RCC2: variants seen among roughly 807,000 people sequenced by gnomAD.
The protein encoded by RCC2 is protein RCC2.
A neutral mutation model predicts 64.1 loss-of-function variants in RCC2; 19 were observed. That is an observed-to-expected ratio of 0.30 (90% CI 0.21 to 0.44). The LOEUF (loss-of-function observed/expected upper bound fraction) is 0.44, where lower values mean the gene tolerates loss of function less well. RCC2 is among the 20% of genes least tolerant of loss of function. The pLI is 1.00. For synonymous variants in RCC2, 325 were observed against 279.6 expected (o/e 1.16, Z -1.62); for missense variants, 508 against 710.4 (o/e 0.72, Z 3.24).
At chr1:17,438,144 C>A in intron 2 of RCC2, 86 bp downstream of exon 2, 1 of 1,004,114 alleles carries the variant, frequency 1.0e-6, no homozygotes, top group East Asian at 6.8e-5. Context: ...GCGAGGCGGC[C>A]CCCGGCTGGA....
In RCC2 at chr1:17,435,506, A is replaced by G. The variant is rs180786563; in HGVS notation, c.285+2724T>C. 7.7e-4 allele frequency among the ~76,000 whole-genome samples: 118 copies of G among 152,372 alleles called. 1 individual carries two copies. The highest frequency in any genetic ancestry group is 2.7e-3 in the African/African-American group (114 of 41,590). On this transcript the variant is annotated intron_variant, in intron 2 of 12. Transcript: ENST00000375436. ...GGTCCCTAGGACTGCTCAACAGAGA[A>G]ACAGAGACCAGAAACCTGGGGCCAG...
In RCC2 at chr1:17,413,739, G is replaced by A. The variant is rs201031607; in HGVS notation, c.1027-22C>T. ...CCAGCTGCAAGGAAAGAAAACACAGGGTTGGAACAAACAGACTTCCAACAG... is the reference window on the plus strand; with the variant it reads ...CCAGCTGCAAGGAAAGAAAACACAGAGTTGGAACAAACAGACTTCCAACAG... On this transcript the variant is annotated intron_variant, in intron 8 of 12. Coordinates refer to ENST00000375436, the MANE Select transcript of RCC2 (RefSeq NM_018715.4). 290 of 1,596,894 alleles carry A rather than the reference G, an allele frequency of 1.8e-4. No individual in the cohort carries two copies. The African/African-American group carries it at 3.5e-3, about 19-fold the overall frequency.
At chr1:17,413,233 C>T in intron 9 of RCC2, 55 bp from the exon 10 acceptor site, 1 of 1,239,336 alleles carries the variant, frequency 8.1e-7, no homozygotes. Context: ...AGCTGAGTCT[C>T]ATCTTCAGTA....
intron 7 of RCC2, among the ~76,000 whole-genome samples, chr1:17,418,580 C>T (rs1437472833): frequency 6.6e-6 from 1 of 151,962 alleles, no homozygotes; most frequent in Non-Finnish European, 1.5e-5. Flanking sequence ...TCGCTTGAAC[C>T]CGGGAGGCGG....
chr1:17,411,124 C>G (rs2100351516), intron 11 of RCC2, among the ~76,000 whole-genome samples: 1 of 152,230 alleles, frequency 6.6e-6, no homozygotes, highest in East Asian at 1.9e-4. Flanking sequence ...TACCTTGCAA[C>G]CACAAGAGTG....
At position 17,438,230 on chromosome 1, in the gene RCC2, G is replaced by T. The variant is rs534234420; in HGVS notation, c.285C>A (p.Val95=). Residue 95 remains valine, a splice_region_variant and synonymous_variant, in exon 2 of 13, where the codon GTC becomes GTA. Coordinates refer to ENST00000375436, the MANE Select transcript of RCC2 (RefSeq NM_018715.4). The part of the protein sequence containing the change: ...ITEPEHTKER[V]KLEGSKCKGQ... Reference sequence around the variant, plus strand: ...CCCGTCTACCCTGACCCTCACTCACGACGCGCTCCTTGGTGTGCTCGGGTT... The same window carrying T: ...CCCGTCTACCCTGACCCTCACTCACTACGCGCTCCTTGGTGTGCTCGGGTT... 4.4e-4 allele frequency: 570 copies of T among 1,302,872 alleles called. 13 individuals are homozygous for T. In the South Asian group the frequency reaches 9.5e-3, roughly 22 times the overall value. 80.7% of individuals were successfully genotyped at this position (1,302,872 alleles called of 1,614,324 possible).
At chr1:17,431,590 C>T (rs926781224) in intron 2 of RCC2, among the ~76,000 whole-genome samples, 1 of 150,902 alleles carries the variant, frequency 6.6e-6, no homozygotes, top group African/African-American at 2.4e-5. Context: ...GTGATCACCC[C>T]ATGGGTATGC....
At chr1:17,422,938 T>C in intron 4 of RCC2, 102 bp from the exon 5 acceptor site, 2 of 1,450,294 alleles carry the variant, frequency 1.4e-6, no homozygotes, top group Non-Finnish European at 1.9e-6. Context: ...TGCCCATCTG[T>C]CTCTGGAAGG....
intron 2 of RCC2, among the ~76,000 whole-genome samples, chr1:17,433,107 C>T (rs1346362422): frequency 3.9e-5 from 6 of 152,160 alleles, no homozygotes; most frequent in Admixed American, 6.5e-5. Context: ...ACTGAGTCTA[C>T]TCCAGTGACG....
intron 3 of RCC2, among the ~76,000 whole-genome samples, chr1:17,426,036 T>C (rs2075612328): frequency 6.6e-6 from 1 of 152,096 alleles, no homozygotes; most frequent in Admixed American, 6.5e-5. Flanking sequence ...GCCCGGGACC[T>C]GGTGCGAGGT....
In RCC2 at chr1:17,413,340, C is replaced by T. The variant is rs371313230; in HGVS notation, c.1208-162G>A. Among the ~76,000 whole-genome samples, 20 of 152,306 alleles carry T rather than the reference C, an allele frequency of 1.3e-4. No homozygotes were observed. In the South Asian group the frequency reaches 3.3e-3, roughly 25 times the overall value. On this transcript the variant is annotated intron_variant, in intron 9 of 12. Transcript: ENST00000375436. ...TGGCGTGCCTGTGCAGTCCTAGCTA[C>T]TCAGGACGCTGTGGTGGTAGGACTG...
At chr1:17,437,633 A>G (rs963210264) in intron 2 of RCC2, among the ~76,000 whole-genome samples, 1 of 4,386 alleles carries the variant, frequency 2.3e-4, no homozygotes, top group East Asian at 0.029. Flanking sequence ...AGCACCGCTC[A>G]GCCGGGGGGC....
chr1:17,419,621 T>G (rs2075528792), intron 7 of RCC2, among the ~76,000 whole-genome samples: 1 of 152,218 alleles, frequency 6.6e-6, no homozygotes, highest in South Asian at 2.1e-4. Flanking sequence ...TTGTACAAAG[T>G]GCTTACATGG....
chr1:17,437,406 G>T (rs891298173), intron 2 of RCC2, among the ~76,000 whole-genome samples: 1 of 152,232 alleles, frequency 6.6e-6, no homozygotes, highest in African/African-American at 2.4e-5. Flanking sequence ...TTCTGTGGGG[G>T]TGGGGAGATG....
intron 8 of RCC2, among the ~76,000 whole-genome samples, chr1:17,415,204 T>G (rs1395544418): frequency 2.0e-5 from 3 of 152,182 alleles, no homozygotes; most frequent in Non-Finnish European, 4.4e-5. Context: ...TTGCACAAAC[T>G]GAAATCTCCT....
At chr1:17,438,559 G>C (rs1465680259) in intron 1 of RCC2, 37 bp from the exon 2 acceptor site, 2 of 1,298,340 alleles carry the variant, frequency 1.5e-6, no homozygotes, top group East Asian at 2.8e-5. Context: ...CACAATGGAC[G>C]GGTTATAAAC....
intron 7 of RCC2, among the ~76,000 whole-genome samples, chr1:17,418,300 C>T (rs919499617): frequency 6.7e-6 from 1 of 149,272 alleles, no homozygotes; most frequent in African/African-American, 2.5e-5. Context: ...CTATCACTGT[C>T]TTATGACAGC....
At position 17,408,081 on chromosome 1, in the gene RCC2, A is replaced by G. The variant is rs2100345654; in HGVS notation, c.*1009T>C. On this transcript the variant is annotated 3_prime_UTR_variant, in exon 13 of 13. Transcript: ENST00000375436. ...GAGCCAAGCAAACGTGACTAAAGGG[A>G]GCTGGGTCAGCAGAACGGTACCCCG... 6.6e-6 allele frequency: 1 copy of G among 152,348 alleles called. No individual in the cohort carries two copies. The highest frequency in any genetic ancestry group is 2.1e-4 in the South Asian group (1 of 4,818). The allele number at this position is 152,348 out of a possible 1,614,324, so 9.4% of individuals were successfully genotyped here.
At chr1:17,415,039 T>C (rs1225235405) in intron 8 of RCC2, among the ~76,000 whole-genome samples, 1 of 152,248 alleles carries the variant, frequency 6.6e-6, no homozygotes, top group Non-Finnish European at 1.5e-5. Flanking sequence ...AGTCTCGTTT[T>C]CCCATCTTCT....
Sources: allele counts gnomAD v4.1 joint callset (sites outside exome capture counted in the v4.1 genomes callset), GRCh38; gene constraint gnomAD v4.1.1; transcripts MANE v1.5; gene names NCBI Gene and HGNC (gene_info 2026-07-23, HGNC 2026-07-21).